Variants in PRKG1 observed in about 807,000 individuals in gnomAD.
PRKG1 encodes cGMP-dependent protein kinase 1.
Under a neutral mutation model 88.1 loss-of-function variants are expected in PRKG1, and 35 were observed. The observed-to-expected ratio is 0.40, with a 90% CI of 0.30 to 0.53. The LOEUF is 0.53. Among genes scored for constraint, PRKG1 ranks in the 20% least tolerant of loss-of-function variants. PRKG1 has a pLI of 0.59. For synonymous variants in PRKG1, 303 were observed against 292.5 expected (o/e 1.04, Z -0.37); for missense variants, 540 against 839.8 (o/e 0.64, Z 4.41).
chr10:52,048,551 T>C (rs1156367207), intron 5 of PRKG1, among the ~76,000 whole-genome samples: 1 of 152,154 alleles, frequency 6.6e-6, no homozygotes, highest in African/African-American at 2.4e-5. Context: ...TCCAGTGTTG[T>C]AATAAGCCTC....
intron 2 of PRKG1, among the ~76,000 whole-genome samples, chr10:51,204,973 C>A (rs951794674): frequency 3.9e-5 from 6 of 151,972 alleles, no homozygotes; most frequent in African/African-American, 1.5e-4. Flanking sequence ...TGTACTTTCC[C>A]ATGCTGTTGG....
intron 2 of PRKG1, among the ~76,000 whole-genome samples, chr10:51,297,580 G>T (rs1840753259): frequency 6.6e-6 from 1 of 151,958 alleles, no homozygotes. Flanking sequence ...GTAATAGCTG[G>T]GGAGAAAGCA....
chr10:51,145,668 A>C (rs2131962585), intron 1 of PRKG1, among the ~76,000 whole-genome samples: 1 of 152,260 alleles, frequency 6.6e-6, no homozygotes, highest in African/African-American at 2.4e-5. Flanking sequence ...GGAGACTTTT[A>C]ATATTGACGT....
intron 2 of PRKG1, among the ~76,000 whole-genome samples, chr10:51,212,851 A>G (rs1392924533): frequency 3.3e-5 from 5 of 152,086 alleles, no homozygotes; most frequent in African/African-American, 1.2e-4. Context: ...AAATAGGAAC[A>G]CTTTTACTGT....
intron 16 of PRKG1, among the ~76,000 whole-genome samples, chr10:52,289,541 C>G (rs2132461276): frequency 6.6e-6 from 1 of 152,232 alleles, no homozygotes; most frequent in South Asian, 2.1e-4. Context: ...AGGAAATTCA[C>G]ATCCTTATCA....
chr10:51,297,986 T>C (rs1840766856), intron 2 of PRKG1, among the ~76,000 whole-genome samples: 2 of 152,106 alleles, frequency 1.3e-5, no homozygotes, highest in Admixed American at 1.3e-4. Flanking sequence ...TATAAAGAGA[T>C]GTATGTAAAG....
intron 2 of PRKG1, among the ~76,000 whole-genome samples, chr10:51,440,918 G>A (rs1046582225): frequency 3.3e-5 from 5 of 151,956 alleles, no homozygotes; most frequent in Non-Finnish European, 7.4e-5. Flanking sequence ...GAACCAATAA[G>A]AGGATATGTT....
chr10:51,305,896 C>T (rs1841023723), intron 2 of PRKG1, among the ~76,000 whole-genome samples: 1 of 152,156 alleles, frequency 6.6e-6, no homozygotes, highest in African/African-American at 2.4e-5. Context: ...TCACACACCA[C>T]AGAGGAATAA....
chr10:51,993,656 C>A (rs1196037224), intron 5 of PRKG1, among the ~76,000 whole-genome samples: 1 of 151,756 alleles, frequency 6.6e-6, no homozygotes, highest in Non-Finnish European at 1.5e-5. Context: ...ACAGCAGTAG[C>A]AACAGCAGAG....
At chr10:51,623,752 C>T (rs546672194) in intron 3 of PRKG1, among the ~76,000 whole-genome samples, 24 of 152,168 alleles carry the variant, frequency 1.6e-4, no homozygotes, top group South Asian at 1.2e-3. Context: ...TTCTCAGGAA[C>T]GCATCTCCTA....
intron 2 of PRKG1, among the ~76,000 whole-genome samples, chr10:51,242,538 C>G (rs535782032): frequency 1.3e-5 from 2 of 152,258 alleles, no homozygotes; most frequent in East Asian, 3.9e-4. Context: ...TTCCTAGGTA[C>G]CAGCAATGAT....
intron 1 of PRKG1, among the ~76,000 whole-genome samples, chr10:51,150,247 C>T (rs1287843022): frequency 6.6e-6 from 1 of 152,056 alleles, no homozygotes. Context: ...ATACTAATAA[C>T]ACAACTCAAC....
intron 8 of PRKG1, among the ~76,000 whole-genome samples, chr10:52,145,179 A>G (rs1484050270): frequency 6.6e-6 from 1 of 152,190 alleles, no homozygotes; most frequent in Non-Finnish European, 1.5e-5. Flanking sequence ...TTTTAAAAAT[A>G]TAATAATCAC....
chr10:52,251,167 C>T (rs1475198636), intron 9 of PRKG1, among the ~76,000 whole-genome samples: 2 of 151,966 alleles, frequency 1.3e-5, no homozygotes, highest in Non-Finnish European at 2.9e-5. Flanking sequence ...TGAGAAACTG[C>T]CATCCGAAAT....
intron 3 of PRKG1, among the ~76,000 whole-genome samples, chr10:51,546,161 T>A (rs372949886): frequency 1.3e-5 from 2 of 152,078 alleles, no homozygotes; most frequent in East Asian, 3.9e-4. Context: ...ATTATGCTTA[T>A]GCAATTTCTG....
At chr10:52,278,686 G>C (rs1242734951) in intron 12 of PRKG1, among the ~76,000 whole-genome samples, 4 of 152,050 alleles carry the variant, frequency 2.6e-5, no homozygotes, top group Admixed American at 2.6e-4. Flanking sequence ...CTAGCACTTT[G>C]GGAGGCCAAG....
At chr10:51,514,221 C>T (rs1255372549) in intron 3 of PRKG1, among the ~76,000 whole-genome samples, 1 of 151,736 alleles carries the variant, frequency 6.6e-6, no homozygotes, top group Non-Finnish European at 1.5e-5. Context: ...ACAAACACCT[C>T]TATGCAAATA....
At chr10:52,085,368 TC>T (rs1370875148) in intron 7 of PRKG1, among the ~76,000 whole-genome samples, 1 of 152,070 alleles carries the variant, frequency 6.6e-6, no homozygotes, top group East Asian at 1.9e-4. Context: ...TCATCTACTT[TC>T]ACTGCTGGAA....
chr10:51,972,545 A>G (rs1843735626), intron 5 of PRKG1, among the ~76,000 whole-genome samples: 1 of 152,236 alleles, frequency 6.6e-6, no homozygotes, highest in South Asian at 2.1e-4. Flanking sequence ...TCATTTCCCT[A>G]CATGCACTTG....
Sources: allele counts gnomAD v4.1 joint callset (sites outside exome capture counted in the v4.1 genomes callset), GRCh38; gene constraint gnomAD v4.1.1; transcripts MANE v1.5; gene names NCBI Gene and HGNC (gene_info 2026-07-23, HGNC 2026-07-21).